The following ATP6V0E1 variants were observed in gnomAD, a reference collection of about 807,000 sequenced individuals.
ATP6V0E1 encodes ATPase H+ transporting V0 subunit e1.
Under a neutral mutation model 11.6 loss-of-function variants are expected in ATP6V0E1, and 4 were observed. The ratio of observed to expected loss-of-function variants is 0.35; its 90% CI spans 0.17 to 0.79. The LOEUF is 0.79. Among genes scored for constraint, ATP6V0E1 ranks in the 30% least tolerant of loss-of-function variants. The pLI is 0.54. For missense variants in ATP6V0E1, 105 were observed against 100.0 expected (o/e 1.05, Z -0.21); for synonymous variants, 36 against 34.8 (o/e 1.04, Z -0.13).
intron 1 of ATP6V0E1, among the ~76,000 whole-genome samples, chr5:172,987,358 A>G (rs1001385108): frequency 1.3e-5 from 2 of 148,708 alleles, no homozygotes; most frequent in Non-Finnish European, 3.0e-5. Flanking sequence ...ATCTTGGCTC[A>G]CTGCAACCTC....
intron 2 of ATP6V0E1, among the ~76,000 whole-genome samples, chr5:173,000,194 G>C (rs143544014): frequency 6.6e-6 from 1 of 152,052 alleles, no homozygotes; most frequent in Admixed American, 6.6e-5. Context: ...GTTTGATTCC[G>C]TGAGGCTCAA....
intron 1 of ATP6V0E1, among the ~76,000 whole-genome samples, chr5:172,991,773 C>G (rs1054286476): frequency 4.0e-5 from 6 of 151,834 alleles, no homozygotes; most frequent in Non-Finnish European, 8.8e-5. Flanking sequence ...AGGAACTGAC[C>G]AACTCTTACT....
intron 2 of ATP6V0E1, among the ~76,000 whole-genome samples, chr5:173,005,042 G>A (rs1433447148): frequency 6.6e-6 from 1 of 151,916 alleles, no homozygotes; most frequent in Non-Finnish European, 1.5e-5. Context: ...ACTGTCTTGA[G>A]TATTGCAGAG....
intron 2 of ATP6V0E1, among the ~76,000 whole-genome samples, chr5:173,016,006 G>GA (rs1266649547): frequency 3.9e-5 from 6 of 152,196 alleles, no homozygotes; most frequent in Non-Finnish European, 7.3e-5. Context: ...TTACAGGCGT[G>GA]AGCCACCATG....
intron 2 of ATP6V0E1, among the ~76,000 whole-genome samples, chr5:173,011,318 T>C (rs2113598971): frequency 6.6e-6 from 1 of 151,916 alleles, no homozygotes; most frequent in East Asian, 1.9e-4. Context: ...GCTGGGACTA[T>C]AGGCATGTGC....
rs191942059 is a variant in ATP6V0E1 at position 173,019,610 on chromosome 5, A to G, written c.153-628A>G. On this transcript the variant is annotated intron_variant, in intron 2 of 3. Transcript: ENST00000519374. The stretch of plus-strand genomic sequence containing the variant: ...CACCATTTTACTTCCTTTATAGTTT[A>G]GTCTGTAATACAGAGGAATACCTCA... 1.1e-3 allele frequency among the ~76,000 whole-genome samples: 163 copies of G among 151,942 alleles called. 1 individual carries two copies. Among genetic ancestry groups the G allele is most frequent in the African/African-American group, 3.8e-3 (156 of 41,500 alleles).
chr5:173,023,906 T>C (rs6863129), intron 3 of ATP6V0E1, among the ~76,000 whole-genome samples: 96,913 of 151,834 alleles, frequency 0.64, 33,666 homozygotes, highest in African/African-American at 0.89. Context: ...ACTTGAAATA[T>C]AGATCATGGG....
chr5:173,002,985 GA>G lies in ATP6V0E1; in HGVS notation c.152+8164del, dbSNP rs149328484. On this transcript the variant is annotated intron_variant, in intron 2 of 3. Transcript: ENST00000519374. ...AGGATCGCTTGGGCTCAGGAGTTTTGAGACCAGCCTGGGCAACACAGCAAGG... is the reference window on the plus strand; with the variant it reads ...AGGATCGCTTGGGCTCAGGAGTTTTGGACCAGCCTGGGCAACACAGCAAGG... 6.3e-3 allele frequency among the ~76,000 whole-genome samples: 964 copies of G among 152,306 alleles called. 19 individuals are homozygous for G. The highest frequency in any genetic ancestry group is 0.022 in the African/African-American group (905 of 41,562).
chr5:173,006,338 C>T (rs10073479), intron 2 of ATP6V0E1, among the ~76,000 whole-genome samples: 3,799 of 152,132 alleles, frequency 0.025, 156 homozygotes, highest in African/African-American at 0.086. Context: ...GGGCCGGGCA[C>T]GATGGCTCAC....
intron 2 of ATP6V0E1, among the ~76,000 whole-genome samples, chr5:173,017,694 A>G (rs539691354): frequency 6.6e-6 from 1 of 151,992 alleles, no homozygotes; most frequent in Non-Finnish European, 1.5e-5. Context: ...TACAAAAATT[A>G]GCTGGGGATG....
chr5:172,996,834 C>T (rs1444622751), intron 2 of ATP6V0E1, among the ~76,000 whole-genome samples: 1 of 152,062 alleles, frequency 6.6e-6, no homozygotes, highest in Non-Finnish European at 1.5e-5. Context: ...CCTAATAAAA[C>T]AAATCCAGAT....
At position 173,028,308 on chromosome 5, in the gene ATP6V0E1, A is replaced by T. The variant is rs567274185; in HGVS notation, c.*37-6091A>T. ...GAACAGACAGACTTAAGACAGGCTG[A>T]CTTCACTTTTTGGATGGTAAAGTCA... is the stretch of plus-strand genomic sequence containing the variant. On this transcript the variant is annotated intron_variant, in intron 3 of 3. Coordinates refer to ENST00000519374, the MANE Select transcript of ATP6V0E1 (RefSeq NM_003945.4). Among the ~76,000 whole-genome samples the T allele has an allele frequency of 1.0e-3, 153 of 152,332 alleles. 1 individual carries two copies. The highest frequency in any genetic ancestry group is 1.1e-3 in the Non-Finnish European group (74 of 68,028).
chr5:173,003,765 T>C (rs2113591856), intron 2 of ATP6V0E1, among the ~76,000 whole-genome samples: 1 of 152,330 alleles, frequency 6.6e-6, no homozygotes, highest in East Asian at 1.9e-4. Flanking sequence ...CAGGATGAAT[T>C]TGAAGAGAGA....
chr5:172,997,989 G>T (rs898550559), intron 2 of ATP6V0E1, among the ~76,000 whole-genome samples: 1 of 151,778 alleles, frequency 6.6e-6, no homozygotes, highest in African/African-American at 2.4e-5. Context: ...CATGCCTGTC[G>T]TCCCAGCTAC....
chr5:172,991,810 C>T (rs1215307994), intron 1 of ATP6V0E1, among the ~76,000 whole-genome samples: 1 of 152,188 alleles, frequency 6.6e-6, no homozygotes, highest in African/African-American at 2.4e-5. Flanking sequence ...GCCTGATCCA[C>T]TTGGATTATG....
chr5:173,017,840 C>CAAAAAAAA (rs538210275), intron 2 of ATP6V0E1, among the ~76,000 whole-genome samples: 1 of 66,562 alleles, frequency 1.5e-5, no homozygotes, highest in Non-Finnish European at 3.3e-5. Flanking sequence ...GACTCCTTCT[C>CAAAAAAAA]AAAAAAAAAA....
intron 2 of ATP6V0E1, among the ~76,000 whole-genome samples, chr5:173,004,754 T>G (rs1756205491): frequency 6.6e-6 from 1 of 152,134 alleles, no homozygotes. Flanking sequence ...CCACAATAGC[T>G]TGGCAGGGGA....
chr5:173,020,682 C>T (rs767035981), intron 3 of ATP6V0E1: 1 of 523,048 alleles, frequency 1.9e-6, no homozygotes, highest in South Asian at 1.4e-5. Flanking sequence ...TGAGATCCAG[C>T]AACTTTAAAA....
At chr5:173,029,553 A>G (rs1336241441) in intron 3 of ATP6V0E1, among the ~76,000 whole-genome samples, 1 of 152,058 alleles carries the variant, frequency 6.6e-6, no homozygotes, top group Non-Finnish European at 1.5e-5. Flanking sequence ...ACCGTCATCT[A>G]TCTACAGAAT....
Sources: gnomAD v4.1 joint callset for allele counts (sites outside exome capture counted in the v4.1 genomes callset) on GRCh38, gnomAD v4.1.1 for gene constraint, MANE v1.5 for transcripts, NCBI Gene and HGNC (gene_info 2026-07-23, HGNC 2026-07-21) for gene names.